RYR3: variants seen among roughly 807,000 people sequenced by gnomAD.
RYR3 encodes ryanodine receptor 3, also known as brain ryanodine receptor-calcium release channel.
A neutral mutation model predicts 584.3 loss-of-function variants in RYR3; 207 were observed. That is an observed-to-expected ratio of 0.35 (90% CI 0.32 to 0.40). The LOEUF (loss-of-function observed/expected upper bound fraction) is 0.40, where lower values mean the gene tolerates loss of function less well. RYR3 is among the 10% of genes least tolerant of loss of function. RYR3 has a pLI of 1.00. For missense variants in RYR3, 5,616 were observed against 6,089.2 expected (o/e 0.92, Z 2.59); for synonymous variants, 2,416 against 2,248.5 (o/e 1.07, Z -2.11).
At chr15:33,738,900 A>G (rs1389817489) in intron 50 of RYR3, among the ~76,000 whole-genome samples, 1 of 152,084 alleles carries the variant, frequency 6.6e-6, no homozygotes, top group Non-Finnish European at 1.5e-5. Flanking sequence ...TTACCTCCCC[A>G]TTCGTTTCCC....
chr15:33,861,202 G>C (rs751972242), intron 102 of RYR3, 24 bp downstream of exon 102: 2 of 1,526,306 alleles, frequency 1.3e-6, no homozygotes, highest in South Asian at 1.2e-5. Flanking sequence ...GTTAACAAAA[G>C]TAATGGCAGC....
intron 1 of RYR3, among the ~76,000 whole-genome samples, chr15:33,421,873 A>G (rs972589245): frequency 6.6e-6 from 1 of 152,172 alleles, no homozygotes; most frequent in Non-Finnish European, 1.5e-5. Context: ...TGAATTTTAA[A>G]AGAGGTTTAA....
At chr15:33,698,019 G>A in intron 40 of RYR3, 23 bp downstream of exon 40, 5 of 1,520,984 alleles carry the variant, frequency 3.3e-6, no homozygotes, top group Non-Finnish European at 4.6e-6. Flanking sequence ...GGAGAACCTA[G>A]CCAGAACTTG....
intron 48 of RYR3, among the ~76,000 whole-genome samples, chr15:33,735,322 A>C (rs2069348721): frequency 1.3e-5 from 2 of 152,244 alleles, no homozygotes; most frequent in East Asian, 3.8e-4. Context: ...TTTTATCACA[A>C]GGCCAGCTCC....
chr15:33,831,939 C>T (rs73372061), intron 86 of RYR3, among the ~76,000 whole-genome samples: 3,646 of 152,124 alleles, frequency 0.024, 148 homozygotes, highest in African/African-American at 0.083. Context: ...TGCCTCTACC[C>T]GTAAAGAGCT....
intron 1 of RYR3, among the ~76,000 whole-genome samples, chr15:33,317,659 T>C (rs1968380183): frequency 6.6e-6 from 1 of 152,188 alleles, no homozygotes; most frequent in Admixed American, 6.5e-5. Context: ...TTTTTTCTGT[T>C]TATGTCATTT....
chr15:33,471,882 C>T (rs959015140), intron 1 of RYR3, among the ~76,000 whole-genome samples: 3 of 152,162 alleles, frequency 2.0e-5, no homozygotes, highest in African/African-American at 7.2e-5. Flanking sequence ...AAGAGCCCCT[C>T]ATTACCTGCC....
At chr15:33,760,429 G>C (rs141007774) in intron 60 of RYR3, among the ~76,000 whole-genome samples, 2,116 of 151,864 alleles carry the variant, frequency 0.014, 27 homozygotes, top group Middle Eastern at 0.027. Flanking sequence ...CAAATGGAAA[G>C]CAAAAAAAAG....
chr15:33,685,080 A>G (rs560973699), intron 38 of RYR3, among the ~76,000 whole-genome samples: 24 of 152,342 alleles, frequency 1.6e-4, no homozygotes, highest in African/African-American at 5.8e-4. Flanking sequence ...GACAGGATCA[A>G]ATTCACACAT....
intron 42 of RYR3, 125 bp downstream of exon 42, chr15:33,701,205 A>T: frequency 1.6e-6 from 1 of 632,100 alleles, no homozygotes; most frequent in East Asian, 2.8e-5. Flanking sequence ...CTTGTAGGGA[A>T]AGTGTGAAAG....
At chr15:33,784,209 A>G (rs2074565057) in intron 65 of RYR3, among the ~76,000 whole-genome samples, 1 of 152,200 alleles carries the variant, frequency 6.6e-6, no homozygotes, top group Non-Finnish European at 1.5e-5. Flanking sequence ...ATTATTCTGT[A>G]TCTCTGCTCC....
intron 56 of RYR3, 38 bp from the exon 57 acceptor site, chr15:33,750,125 G>A: frequency 6.2e-7 from 1 of 1,607,858 alleles, no homozygotes; most frequent in Non-Finnish European, 8.5e-7. Flanking sequence ...AAGTGCAAAG[G>A]AAGAGCCAAA....
chr15:33,776,484 A>G (rs996085623), intron 64 of RYR3, among the ~76,000 whole-genome samples: 2 of 152,214 alleles, frequency 1.3e-5, no homozygotes, highest in East Asian at 3.8e-4. Context: ...TTTTGTTTCA[A>G]ATGAAGACTG....
At chr15:33,429,027 C>G (rs2044891288) in intron 1 of RYR3, among the ~76,000 whole-genome samples, 1 of 152,156 alleles carries the variant, frequency 6.6e-6, no homozygotes, top group Non-Finnish European at 1.5e-5. Flanking sequence ...GCTGAGGCAT[C>G]CTGGAGGAAA....
At chr15:33,346,782 C>T (rs1013317460) in intron 1 of RYR3, among the ~76,000 whole-genome samples, 5 of 151,914 alleles carry the variant, frequency 3.3e-5, no homozygotes, top group African/African-American at 1.2e-4. Context: ...TTGTAAAGGC[C>T]CTAAAAGCAC....
At chr15:33,812,470 G>C (rs1567223634) in intron 72 of RYR3, among the ~76,000 whole-genome samples, 1 of 151,642 alleles carries the variant, frequency 6.6e-6, no homozygotes, top group African/African-American at 2.4e-5. Flanking sequence ...AAAAAGAAGG[G>C]GAGATGGGTT....
intron 89 of RYR3, among the ~76,000 whole-genome samples, chr15:33,839,476 C>A (rs2078231484): frequency 6.6e-6 from 1 of 152,146 alleles, no homozygotes; most frequent in Non-Finnish European, 1.5e-5. Context: ...ATTAAGTGAA[C>A]AAGATAGCAG....
At chr15:33,860,998 A>C in intron 101 of RYR3, 80 bp from the exon 102 acceptor site, 1 of 1,105,762 alleles carries the variant, frequency 9.0e-7, no homozygotes, top group East Asian at 2.6e-5. Flanking sequence ...ATTATCCTTC[A>C]ATTCGATAGA....
intron 46 of RYR3, 79 bp from the exon 47 acceptor site, chr15:33,728,778 T>C: frequency 7.2e-7 from 1 of 1,380,976 alleles, no homozygotes; most frequent in South Asian, 1.4e-5. Flanking sequence ...GAATAAGCTA[T>C]AGACAGACAA....
Sources: gnomAD v4.1 joint callset for allele counts (sites outside exome capture counted in the v4.1 genomes callset) on GRCh38, gnomAD v4.1.1 for gene constraint, MANE v1.5 for transcripts, NCBI Gene and HGNC (gene_info 2026-07-23, HGNC 2026-07-21) for gene names.